Variants in PTPRD observed in about 807,000 individuals in gnomAD.
PTPRD encodes the protein receptor-type tyrosine-protein phosphatase delta.
In PTPRD, 34 loss-of-function variants were observed where a neutral mutation model predicts 214.5. That is an observed-to-expected ratio of 0.16 (90% CI 0.12 to 0.21). PTPRD has a LOEUF of 0.21. Ranked by LOEUF, PTPRD falls within the 10% of genes least tolerant of loss-of-function variation. The pLI is 1.00. For missense variants in PTPRD, 2,545 were observed against 2,398.7 expected (o/e 1.06, Z -1.27); for synonymous variants, 1,128 against 845.7 (o/e 1.33, Z -5.79).
chr9:8,684,155 GTCT>G (rs2097621744), intron 12 of PTPRD, among the ~76,000 whole-genome samples: 1 of 152,152 alleles, frequency 6.6e-6, no homozygotes, highest in Non-Finnish European at 1.5e-5. Context: ...AGTAACAGAT[GTCT>G]TTTTATAAGC....
At chr9:9,006,159 T>A (rs2099464826) in intron 11 of PTPRD, among the ~76,000 whole-genome samples, 1 of 151,952 alleles carries the variant, frequency 6.6e-6, no homozygotes, top group South Asian at 2.1e-4. Context: ...CTGAAGCACA[T>A]GAATTTAGCT....
intron 5 of PTPRD, among the ~76,000 whole-genome samples, chr9:9,772,632 G>C (rs764620522): frequency 1.4e-5 from 2 of 141,284 alleles, no homozygotes; most frequent in Non-Finnish European, 3.0e-5. Context: ...AAACACTTTA[G>C]TTACTGAGAA....
chr9:9,155,244 T>C (rs905421923), intron 10 of PTPRD, among the ~76,000 whole-genome samples: 1 of 152,182 alleles, frequency 6.6e-6, no homozygotes, highest in Admixed American at 6.6e-5. Context: ...GTAACTAGAT[T>C]TTTTAAATTA....
At chr9:9,043,457 C>T (rs2099651356) in intron 10 of PTPRD, among the ~76,000 whole-genome samples, 1 of 152,140 alleles carries the variant, frequency 6.6e-6, no homozygotes, top group Admixed American at 6.5e-5. Flanking sequence ...GTCACCATAA[C>T]CTTTTCTGTT....
At chr9:9,128,321 G>A (rs558004522) in intron 10 of PTPRD, among the ~76,000 whole-genome samples, 61 of 152,142 alleles carry the variant, frequency 4.0e-4, no homozygotes, top group African/African-American at 8.4e-4. Flanking sequence ...ATACATTTGC[G>A]CACAGAAACA....
At chr9:9,495,271 A>T in intron 8 of PTPRD, among the ~76,000 whole-genome samples, 1 of 151,250 alleles carries the variant, frequency 6.6e-6, no homozygotes, top group East Asian at 2.0e-4. Flanking sequence ...AATTCTAGGC[A>T]GACAGGGATG....
At position 8,465,632 on chromosome 9, in the gene PTPRD, C is replaced by A. The variant is rs144936979; in HGVS notation, c.3548G>T (p.Gly1183Val). The A allele has an allele frequency of 5.0e-6, 8 of 1,612,140 alleles. No individual in the cohort carries two copies. In the African/African-American group the frequency reaches 1.1e-4, roughly 22 times the overall value. Residue 1183 changes from glycine (G) to valine (V), a missense_variant, in exon 32 of 46, where the codon GGG becomes GTG. Transcript: ENST00000381196. ...ATATGGCTTTAATTCAACTTCTCTC[C>A]CATAACGGATGCTTCTGCGCTTCCT... ...ISRKRRSIRY[G>V]REVELKPYIA...
intron 3 of PTPRD, among the ~76,000 whole-genome samples, chr9:10,274,347 G>A (rs1328483527): frequency 6.6e-6 from 1 of 152,112 alleles, no homozygotes; most frequent in Admixed American, 6.6e-5. Flanking sequence ...GAATCCTTTG[G>A]CAGTTGGACA....
chr9:10,355,048 T>C (rs1030190195), intron 2 of PTPRD, among the ~76,000 whole-genome samples: 1 of 152,190 alleles, frequency 6.6e-6, no homozygotes. Flanking sequence ...AGAAAATAAA[T>C]TTCTTAGAAT....
At chr9:8,653,515 C>T (rs1318227645) in intron 12 of PTPRD, among the ~76,000 whole-genome samples, 1 of 152,184 alleles carries the variant, frequency 6.6e-6, no homozygotes, top group African/African-American at 2.4e-5. Context: ...TATATTTCCA[C>T]ACAGTTCCTT....
chr9:8,527,239 C>A (rs2074411580), intron 16 of PTPRD, 106 bp downstream of exon 16: 7 of 1,223,412 alleles, frequency 5.7e-6, no homozygotes, highest in South Asian at 2.7e-5. Flanking sequence ...GGTGTCTACA[C>A]TGACAGTTAG....
At chr9:10,575,730 T>C (rs183372963) in intron 2 of PTPRD, among the ~76,000 whole-genome samples, 10 of 152,134 alleles carry the variant, frequency 6.6e-5, no homozygotes, top group African/African-American at 1.9e-4. Context: ...CATTGCTTGA[T>C]GTATTTTCTT....
intron 8 of PTPRD, among the ~76,000 whole-genome samples, chr9:9,491,353 C>A (rs143055420): frequency 6.6e-6 from 1 of 151,772 alleles, no homozygotes; most frequent in African/African-American, 2.4e-5. Context: ...TAGTTGGGGA[C>A]TTTAATAGTC....
At chr9:8,856,586 T>A (rs2097919759) in intron 11 of PTPRD, among the ~76,000 whole-genome samples, 1 of 152,168 alleles carries the variant, frequency 6.6e-6, no homozygotes, top group Non-Finnish European at 1.5e-5. Context: ...GAACGAGCCC[T>A]CAGGAATCTT....
chr9:9,947,057 C>T (rs1437959014), intron 4 of PTPRD, among the ~76,000 whole-genome samples: 1 of 150,482 alleles, frequency 6.6e-6, no homozygotes, highest in African/African-American at 2.4e-5. Flanking sequence ...CCAAGAGCCC[C>T]AAAATACCAC....
intron 11 of PTPRD, among the ~76,000 whole-genome samples, chr9:8,831,916 T>TC (rs377646958): frequency 6.6e-6 from 1 of 151,866 alleles, no homozygotes; most frequent in Admixed American, 6.6e-5. Context: ...AGTGCTTTTT[T>TC]TGACAGTTGG....
chr9:9,175,622 C>CAAAAAAAAAAAAAAA (rs55707715), intron 10 of PTPRD, among the ~76,000 whole-genome samples: 1 of 45,274 alleles, frequency 2.2e-5, no homozygotes, highest in African/African-American at 8.9e-5. Context: ...GACTCTGTCT[C>CAAAAAAAAAAAAAAA]AAAAAAAAAA....
At chr9:9,978,611 A>G (rs759193960) in intron 4 of PTPRD, among the ~76,000 whole-genome samples, 1 of 152,092 alleles carries the variant, frequency 6.6e-6, no homozygotes, top group Non-Finnish European at 1.5e-5. Flanking sequence ...AGTCCCGCAG[A>G]AAGAACTGAT....
At chr9:10,154,721 T>C (rs781006758) in intron 3 of PTPRD, among the ~76,000 whole-genome samples, 16 of 151,966 alleles carry the variant, frequency 1.1e-4, no homozygotes, top group Non-Finnish European at 2.2e-4. Flanking sequence ...CCTTTCCCCA[T>C]TGCTTTTATC....
Sources: gnomAD v4.1 joint callset for allele counts (sites outside exome capture counted in the v4.1 genomes callset) on GRCh38, gnomAD v4.1.1 for gene constraint, MANE v1.5 for transcripts, NCBI Gene and HGNC (gene_info 2026-07-23, HGNC 2026-07-21) for gene names.